The following LUC7L2 variants were observed in gnomAD, a reference collection of about 807,000 sequenced individuals.
LUC7L2 encodes the protein LUC7 like 2, pre-mRNA splicing factor.
Under a neutral mutation model 52.8 loss-of-function variants are expected in LUC7L2, and 25 were observed. That is an observed-to-expected ratio of 0.47 (90% CI 0.34 to 0.66). The LOEUF (loss-of-function observed/expected upper bound fraction) is 0.66, where lower values mean the gene tolerates loss of function less well. LUC7L2 is among the 30% of genes least tolerant of loss of function. LUC7L2 has a pLI of 0.01. For missense variants in LUC7L2, 328 were observed against 497.8 expected, an observed-to-expected ratio of 0.66 and a Z score of 3.25; for synonymous variants, 144 against 160.9, an observed-to-expected ratio of 0.89 and a Z score of 0.80.
chr7:139,405,421 A>C (rs1472591584), intron 4 of LUC7L2, among the ~76,000 whole-genome samples: 3 of 152,156 alleles, frequency 2.0e-5, no homozygotes, highest in African/African-American at 7.2e-5. Context: ...AGAGGATAGA[A>C]AGTTATATTG....
intron 3 of LUC7L2, 45 bp downstream of exon 3, chr7:139,398,742 A>T (rs971823125): frequency 1.9e-6 from 3 of 1,563,060 alleles, no homozygotes; most frequent in Non-Finnish European, 2.6e-6. Context: ...TTTTGCTGTA[A>T]AACATTGTGA....
intron 1 of LUC7L2, chr7:139,374,637 C>T: frequency 6.9e-7 from 1 of 1,440,510 alleles, no homozygotes; most frequent in Non-Finnish European, 9.1e-7. Context: ...AGACGAGCTT[C>T]TAGAAAACCT....
chr7:139,381,860 G>A (rs1035457050), intron 2 of LUC7L2, among the ~76,000 whole-genome samples: 8 of 146,686 alleles, frequency 5.5e-5, no homozygotes, highest in Non-Finnish European at 1.2e-4. Flanking sequence ...ACAGGCATGA[G>A]CCACTGCGCC....
In LUC7L2 at chr7:139,385,767, A is replaced by G. The variant is rs184894438; in HGVS notation, c.156+9611A>G. The stretch of plus-strand genomic sequence containing the variant: ...AGTGTCATATTGATTTCTTTGTACA[A>G]TGAGTCTCAATAAATGCTTTTTCCC... On this transcript the variant is annotated intron_variant, in intron 2 of 9. Coordinates refer to ENST00000354926, the MANE Select transcript of LUC7L2 (RefSeq NM_016019.5). Among the ~76,000 whole-genome samples the G allele has an allele frequency of 4.6e-3, 702 of 152,324 alleles. 5 individuals carry two copies. The highest frequency in any genetic ancestry group is 4.6e-3 in the African/African-American group (190 of 41,572).
At chr7:139,374,876 A>G (rs1001041886) in intron 1 of LUC7L2, 67 of 995,078 alleles carry the variant, frequency 6.7e-5, no homozygotes, top group Admixed American at 1.2e-4. Flanking sequence ...TTTGTTATTT[A>G]CATGTGAAAA....
At chr7:139,360,916 AC>A (rs1431967435) in intron 1 of LUC7L2, among the ~76,000 whole-genome samples, 7 of 152,212 alleles carry the variant, frequency 4.6e-5, no homozygotes, top group Admixed American at 4.6e-4. Context: ...GTGAGAAGGA[AC>A]ATGTTATGGC....
chr7:139,401,776 C>G (rs1794928228), intron 3 of LUC7L2, among the ~76,000 whole-genome samples: 1 of 144,868 alleles, frequency 6.9e-6, no homozygotes, highest in South Asian at 2.2e-4. Context: ...TTTTTAATGA[C>G]AGGGTCTCGC....
chr7:139,415,370 C>T (rs73154178), intron 8 of LUC7L2, among the ~76,000 whole-genome samples: 3,006 of 151,896 alleles, frequency 0.02, 34 homozygotes, highest in South Asian at 0.05. Context: ...TGCAAAAATA[C>T]CTAGTGAATA....
At chr7:139,345,664 A>T in intron 1 of LUC7L2, 1 of 1,614,208 alleles carries the variant, frequency 6.2e-7, no homozygotes, top group South Asian at 1.1e-5. Flanking sequence ...GTGGGTCTCA[A>T]GTTGCCCCAT....
chr7:139,361,406 A>T (rs1422697706), intron 1 of LUC7L2, among the ~76,000 whole-genome samples: 1 of 152,230 alleles, frequency 6.6e-6, no homozygotes. Context: ...TTAGTTTTTA[A>T]GTTACTCTTT....
intron 2 of LUC7L2, among the ~76,000 whole-genome samples, chr7:139,394,103 A>G (rs1585111108): frequency 6.6e-6 from 1 of 152,278 alleles, no homozygotes; most frequent in East Asian, 1.9e-4. Flanking sequence ...TTAAGAAGGT[A>G]AGGAGTCCAA....
At chr7:139,398,791 A>G (rs1454326461) in intron 3 of LUC7L2, 94 bp downstream of exon 3, 1 of 1,165,450 alleles carries the variant, frequency 8.6e-7, no homozygotes. Flanking sequence ...AACTCTTAGC[A>G]GTTTATCCTC....
intron 2 of LUC7L2, among the ~76,000 whole-genome samples, chr7:139,391,647 G>T (rs954443362): frequency 5.9e-5 from 9 of 152,106 alleles, no homozygotes; most frequent in African/African-American, 1.9e-4. Flanking sequence ...AGAGGGCAGT[G>T]ACATGATCTT....
intron 1 of LUC7L2, among the ~76,000 whole-genome samples, chr7:139,352,140 A>C (rs1799477825): frequency 6.6e-6 from 1 of 152,110 alleles, no homozygotes; most frequent in Admixed American, 6.6e-5. Flanking sequence ...GGCTGCAGTG[A>C]GCTATGATCA....
At chr7:139,346,030 GA>G (rs1799256183) in intron 1 of LUC7L2, 1 of 175,466 alleles carries the variant, frequency 5.7e-6, no homozygotes, top group Non-Finnish European at 1.2e-5. Flanking sequence ...CTGAGGTTGG[GA>G]GTTCGCGACC....
At chr7:139,376,969 GT>G (rs1159635561) in intron 2 of LUC7L2, among the ~76,000 whole-genome samples, 2 of 152,168 alleles carry the variant, frequency 1.3e-5, no homozygotes, top group Non-Finnish European at 2.9e-5. Flanking sequence ...GATAGGAAGA[GT>G]TAAAATTAAG....
At chr7:139,388,197 A>G (rs1191038571) in intron 2 of LUC7L2, among the ~76,000 whole-genome samples, 1 of 152,176 alleles carries the variant, frequency 6.6e-6, no homozygotes, top group African/African-American at 2.4e-5. Flanking sequence ...CCAGTTAGAT[A>G]GTACACCATA....
chr7:139,376,989 C>G (rs1028273497), intron 2 of LUC7L2, among the ~76,000 whole-genome samples: 5 of 152,186 alleles, frequency 3.3e-5, no homozygotes, highest in South Asian at 2.1e-4. Context: ...AGGACATGCC[C>G]CAAAGAGAGA....
At position 139,343,925 on chromosome 7, in the gene LUC7L2, C is replaced by CAAAAA. The variant is rs370854113; in HGVS notation, c.-26+3408_-26+3409insAAAAA. On this transcript the variant is annotated intron_variant, in intron 1 of 10. Coordinates refer to the LUC7L2 transcript ENST00000541170. ...TGGGCAACAAAGTGAGACCCTGTCC[C>CAAAAA]CAAAAAAAAAAAAAAAAAAAAGAGT... Among the ~76,000 whole-genome samples, 5 of 126,506 alleles carry CAAAAA rather than the reference C, an allele frequency of 4.0e-5. 2 individuals carry two copies. The highest frequency in any genetic ancestry group is 1.4e-4 in the African/African-American group (4 of 28,198). 83.0% of individuals were successfully genotyped at this position (126,506 alleles called of 152,430 possible).
Sources: gnomAD v4.1 joint callset for allele counts (sites outside exome capture counted in the v4.1 genomes callset) on GRCh38, gnomAD v4.1.1 for gene constraint, MANE v1.5 for transcripts, NCBI Gene and HGNC (gene_info 2026-07-23, HGNC 2026-07-21) for gene names.